The following FBXO11 variants were observed in gnomAD, a reference collection of about 807,000 sequenced individuals.
The protein encoded by FBXO11 is F-box protein 11, also known as F-box only protein 11.
In FBXO11, 13 loss-of-function variants were observed where a neutral mutation model predicts 117.0. The ratio of observed to expected loss-of-function variants is 0.11; its 90% CI spans 0.07 to 0.18. FBXO11 has a LOEUF of 0.18. Ranked by LOEUF, FBXO11 falls within the 10% of genes least tolerant of loss-of-function variation. FBXO11 has a pLI of 1.00. For missense variants in FBXO11, 767 were observed against 1,164.4 expected (o/e 0.66, Z 4.97); for synonymous variants, 490 against 380.5 (o/e 1.29, Z -3.35).
intron 1 of FBXO11, among the ~76,000 whole-genome samples, chr2:47,904,611 CACACACACACAA>C (rs1678599516): frequency 7.9e-6 from 1 of 125,942 alleles, no homozygotes; most frequent in East Asian, 2.0e-4. Flanking sequence ...CACACACACA[CACACACACACAA>C]AATATCCCAA....
At chr2:47,883,874 A>C (rs1676619425) in intron 1 of FBXO11, 1 of 179,398 alleles carries the variant, frequency 5.6e-6, no homozygotes, top group Non-Finnish European at 1.2e-5. Flanking sequence ...TATTGTGGCA[A>C]ATGTCTGGCT....
chr2:47,827,787 C>A (rs1671869973), intron 11 of FBXO11, among the ~76,000 whole-genome samples: 1 of 151,354 alleles, frequency 6.6e-6, no homozygotes. Context: ...ACCTCCAAAT[C>A]CCAGGTTCAA....
intron 1 of FBXO11, among the ~76,000 whole-genome samples, chr2:47,842,076 C>A (rs1009945158): frequency 6.6e-6 from 1 of 150,988 alleles, no homozygotes; most frequent in African/African-American, 2.4e-5. Context: ...AGTGCAGTTG[C>A]GCGATCTCGG....
Position 47,808,409 on chromosome 2 carries a change from G to C in FBXO11, c.2574C>G (p.Thr858=), listed in dbSNP as rs1249158667. The change falls in exon 22 of 23, where the codon ACC becomes ACG. Residue 858 remains threonine (T), a synonymous_variant. Transcript: ENST00000403359. ...TCACACATATGGCATTTCGATCTGT[G>C]GTGTTACAAGTATGACATCTAAAAA... ...HDFYRCHTCN[T]TDRNAICVNC... 3 of 1,598,254 alleles carry C rather than the reference G, an allele frequency of 1.9e-6. No homozygotes were observed. Among genetic ancestry groups the C allele is most frequent in the Non-Finnish European group, 2.6e-6 (3 of 1,174,204 alleles).
chr2:47,847,764 C>G (rs1673531332), intron 1 of FBXO11, among the ~76,000 whole-genome samples: 1 of 151,872 alleles, frequency 6.6e-6, no homozygotes, highest in Admixed American at 6.6e-5. Context: ...CATATACAGT[C>G]TGTTGTTGAT....
At position 47,836,472 on chromosome 2, in the gene FBXO11, G is replaced by T. The variant is rs911223429; in HGVS notation, c.588-471C>A. Among the ~76,000 whole-genome samples, 19 of 151,886 alleles carry T rather than the reference G, an allele frequency of 1.3e-4. No homozygotes were observed. In the Middle Eastern group the frequency reaches 0.017, roughly 136 times the overall value. ...CAACCTCTGCCTCCTGGGCTCAAAT[G>T]ATCCTCCCACCTCAGCCTCCCAAGT... On this transcript the variant is annotated intron_variant, in intron 4 of 22. Transcript: ENST00000403359.
At chr2:47,844,353 G>T (rs919853434) in intron 1 of FBXO11, among the ~76,000 whole-genome samples, 1 of 152,064 alleles carries the variant, frequency 6.6e-6, no homozygotes, top group Admixed American at 6.6e-5. Flanking sequence ...ATCTCTATGC[G>T]TAATTAGGGA....
rs149240302 is a variant in FBXO11, at chr2:47,883,880, T to C, written c.232+21609A>G. ...GACAGATATTATTGTGGCAAATGTC[T>C]GGCTTATTGCTTCAACAAACCAGAA... is the stretch of plus-strand genomic sequence containing the variant. On this transcript the variant is annotated intron_variant, in intron 1 of 22. Coordinates refer to ENST00000403359, the MANE Select transcript of FBXO11 (RefSeq NM_001190274.2). 920 of 176,084 alleles carry C rather than the reference T, an allele frequency of 5.2e-3. 6 individuals are homozygous for C. The highest frequency in any genetic ancestry group is 0.021 in the African/African-American group (877 of 41,928). 10.9% of individuals were successfully genotyped at this position (176,084 alleles called of 1,614,324 possible).
In FBXO11 at chr2:47,838,981, A is replaced by G. The variant is rs921923778; in HGVS notation, c.465T>C (p.Leu155=). The change falls in exon 4 of 23, where the codon CTT becomes CTC. Residue 155 remains leucine (L), a synonymous_variant. Coordinates refer to ENST00000403359, the MANE Select transcript of FBXO11 (RefSeq NM_001190274.2). ...CCACTTCATCTGGCAGTTTCTCCTGAAGATACTGTTCAGCAGGTGCTGCTA... is the reference window on the plus strand; with the variant it reads ...CCACTTCATCTGGCAGTTTCTCCTGGAGATACTGTTCAGCAGGTGCTGCTA... The part of the protein sequence containing the change: ...DLSAAPAEQY[L]QEKLPDEVVL... The G allele has an allele frequency of 6.2e-7, 1 of 1,613,860 alleles. No homozygotes were observed. The highest frequency in any genetic ancestry group is 8.5e-7 in the Non-Finnish European group (1 of 1,179,902).
intron 11 of FBXO11, among the ~76,000 whole-genome samples, chr2:47,827,811 C>G (rs1252783456): frequency 6.6e-6 from 1 of 151,802 alleles, no homozygotes; most frequent in Admixed American, 6.6e-5. Flanking sequence ...ATTTTCGTGC[C>G]TCAGCCTCCA....
chr2:47,855,708 T>C (rs191057607), intron 1 of FBXO11, among the ~76,000 whole-genome samples: 22 of 152,198 alleles, frequency 1.4e-4, no homozygotes, highest in Admixed American at 6.5e-5. Flanking sequence ...GGTGCATGCC[T>C]ATAATCACAG....
chr2:47,837,515 G>A (rs1672675741), intron 4 of FBXO11, among the ~76,000 whole-genome samples: 1 of 152,230 alleles, frequency 6.6e-6, no homozygotes, highest in East Asian at 1.9e-4. Context: ...CAACAAGAAC[G>A]AAACTCCGTC....
chr2:47,890,310 A>G (rs926738109), intron 1 of FBXO11, among the ~76,000 whole-genome samples: 1 of 152,108 alleles, frequency 6.6e-6, no homozygotes, highest in Admixed American at 6.6e-5. Context: ...AGTCATCCTC[A>G]TTTACTAGAA....
rs1558486512 is a variant in FBXO11 at position 47,900,629 on chromosome 2, CACACACGT to C, written c.232+4852_232+4859del. 8.4e-4 allele frequency among the ~76,000 whole-genome samples: 25 copies of C among 29,902 alleles called. 4 individuals are homozygous for C. The highest frequency in any genetic ancestry group is 3.8e-3 in the Admixed American group (11 of 2,862). 19.6% of individuals were successfully genotyped at this position (29,902 alleles called of 152,430 possible). On this transcript the variant is annotated intron_variant, in intron 1 of 22. Transcript: ENST00000403359. Reference sequence around the variant, plus strand: ...ATACACACGTATATACACACGTATACACACACGTACGTATATACACACGTATACACACA... The same window carrying C: ...ATACACACGTATATACACACGTATACACGTATATACACACGTATACACACA...
At chr2:47,842,176 C>G (rs1673064921) in intron 1 of FBXO11, among the ~76,000 whole-genome samples, 1 of 149,332 alleles carries the variant, frequency 6.7e-6, no homozygotes, top group East Asian at 2.0e-4. Context: ...CCACTATGGC[C>G]AGCTAATTTT....
chr2:47,870,793 G>C (rs1675566229), intron 1 of FBXO11, among the ~76,000 whole-genome samples: 1 of 152,170 alleles, frequency 6.6e-6, no homozygotes, highest in Non-Finnish European at 1.5e-5. Flanking sequence ...TCTACATTCA[G>C]ACTGATATGT....
At chr2:47,863,606 A>C (rs950945067) in intron 1 of FBXO11, among the ~76,000 whole-genome samples, 1 of 152,172 alleles carries the variant, frequency 6.6e-6, no homozygotes, top group African/African-American at 2.4e-5. Context: ...GGGTTATGGC[A>C]TAACAGTTTT....
rs895176161 is a variant in FBXO11, at chr2:47,807,969, C to G, written c.*149G>C. On this transcript the variant is annotated 3_prime_UTR_variant, in exon 23 of 23. Transcript: ENST00000403359. ...TATATTGCCACTTTCTTTTTGGTAG[C>G]TTGAGCTTCATAGTGTCAACTGACC... 4 of 705,654 alleles carry G rather than the reference C, an allele frequency of 5.7e-6. No individual in the cohort carries two copies. The highest frequency in any genetic ancestry group is 7.0e-6 in the Non-Finnish European group (3 of 427,090). The allele number at this position is 705,654 out of a possible 1,614,324, so 43.7% of individuals were successfully genotyped here.
Position 47,834,815 on chromosome 2 carries a change from T to C in FBXO11, c.774A>G (p.Ala258=). The C allele has an allele frequency of 1.9e-6, 3 of 1,613,490 alleles. No homozygotes were observed. In the South Asian group the frequency reaches 3.3e-5, roughly 18 times the overall value. ...ACATATTTTCTCTTCCTTTATATCT[T>C]GCAGGGTTACTGTAGAAATGTTCAG... The part of the protein sequence containing the change: ...GFAEHFYSNP[A]RYKGRENMLY... Residue 258 remains alanine (A), a synonymous_variant, in exon 6 of 23, where the codon GCA becomes GCG. Transcript: ENST00000403359.
Sources: allele counts gnomAD v4.1 joint callset (sites outside exome capture counted in the v4.1 genomes callset), GRCh38; gene constraint gnomAD v4.1.1; transcripts MANE v1.5; gene names NCBI Gene and HGNC (gene_info 2026-07-23, HGNC 2026-07-21).